Variants in DNAH17 observed in about 807,000 individuals in gnomAD.
DNAH17 encodes axonemal beta dynein heavy chain 17.
A neutral mutation model predicts 485.6 loss-of-function variants in DNAH17; 376 were observed. The observed-to-expected ratio is 0.77, with a 90% CI of 0.71 to 0.84. The LOEUF (loss-of-function observed/expected upper bound fraction) is 0.84, where lower values mean the gene tolerates loss of function less well. Among genes scored for constraint, DNAH17 ranks in the 40% least tolerant of loss-of-function variants. DNAH17 has a pLI of 0.00. For synonymous variants in DNAH17, 3,031 were observed against 2,405.9 expected (o/e 1.26, Z -7.60); for missense variants, 6,370 against 5,839.3 (o/e 1.09, Z -2.96).
At chr17:78,428,125 T>C (rs1348736288) in intron 77 of DNAH17, among the ~76,000 whole-genome samples, 2 of 151,988 alleles carry the variant, frequency 1.3e-5, no homozygotes, top group Non-Finnish European at 2.9e-5. Context: ...GGCTCTGGAG[T>C]ACCTGCCTGC....
chr17:78,497,758 G>C (rs1471951006), intron 37 of DNAH17, among the ~76,000 whole-genome samples: 3 of 152,236 alleles, frequency 2.0e-5, no homozygotes, highest in Non-Finnish European at 4.4e-5. Flanking sequence ...GCAGACCTGT[G>C]TCACCAACAC....
chr17:78,491,680 C>G, intron 42 of DNAH17, 110 bp from the exon 43 acceptor site: 1 of 1,465,082 alleles, frequency 6.8e-7, no homozygotes, highest in Non-Finnish European at 9.1e-7. Flanking sequence ...TCCCCTACTT[C>G]AGAGGAACAG....
At chr17:78,489,128 G>A (rs1217723481) in intron 44 of DNAH17, among the ~76,000 whole-genome samples, 1 of 152,184 alleles carries the variant, frequency 6.6e-6, no homozygotes, top group African/African-American at 2.4e-5. Flanking sequence ...TCCTGGCCCT[G>A]TCCCCATAGG....
Position 78,510,428 on chromosome 17 carries a change from G to A in DNAH17, c.4192C>T (p.Arg1398Cys), listed in dbSNP as rs527676143. The A allele has an allele frequency of 2.8e-5, 45 of 1,613,588 alleles. No individual in the cohort carries two copies. The highest frequency in any genetic ancestry group is 4.5e-5 in the East Asian group (2 of 44,870). The change falls in exon 27 of 81, where the codon CGC becomes TGC. Residue 1398 changes from arginine (R) to cysteine (C), a missense_variant. Arg to Cys is a radical substitution (Grantham distance 180, BLOSUM62 -3). Transcript: ENST00000389840. ...TTCACGGCCTTGTCCACGATGTTGC[G>A]GACCTCATCCTCGTAACTGTGGAGG... ...LNLHSYEDEV[R>C]NIVDKAVKES...
chr17:78,450,691 G>T lies in DNAH17; in HGVS notation c.10890C>A (p.Ile3630=), dbSNP rs145435327. The T allele has an allele frequency of 2.5e-6, 4 of 1,612,746 alleles. No individual in the cohort carries two copies. The African/African-American group carries it at 4.0e-5, about 16-fold the overall frequency. ...CCGAGGCAGCTCTGACCTTCTCCTC[G>T]ATCTCGCTGGCTGTGTGCTTGGTGG... is the stretch of plus-strand genomic sequence containing the variant. The part of the protein sequence containing the change: ...LETTKHTASE[I]EEKVVEAKIT... Residue 3630 remains isoleucine, a synonymous_variant, in exon 67 of 81, where the codon ATC becomes ATA. Coordinates refer to ENST00000389840, the MANE Select transcript of DNAH17 (RefSeq NM_173628.4).
chr17:78,562,015 A>G, intron 11 of DNAH17, 35 bp from the exon 12 acceptor site: 2 of 1,529,570 alleles, frequency 1.3e-6, no homozygotes, highest in Non-Finnish European at 1.8e-6. Context: ...TCTTCACCAC[A>G]GTCTCCTCCC....
At position 78,495,074 on chromosome 17, in the gene DNAH17, T is replaced by G. The variant is rs1294670420; in HGVS notation, c.5927A>C (p.Asp1976Ala). 1 of 1,609,944 alleles carries G rather than the reference T, an allele frequency of 6.2e-7. No individual in the cohort carries two copies. The highest frequency in any genetic ancestry group is 8.5e-7 in the Non-Finnish European group (1 of 1,178,382). ...LFRPCAMVVP[D>A]FELICEIMLM... ...CATGATCTCACATATCAGTTCGAAGTCGGGGACGACCATGGCACAGGGCCT... is the reference window on the plus strand; with the variant it reads ...CATGATCTCACATATCAGTTCGAAGGCGGGGACGACCATGGCACAGGGCCT... The change falls in exon 39 of 81, where the codon GAC (aspartate) becomes GCC (alanine). Residue 1976 changes from aspartate (D) to alanine (A), a missense_variant. Transcript: ENST00000389840.
rs757887393 is a variant in DNAH17 at position 78,567,183 on chromosome 17, A to G, written c.1285-17T>C. ...ATAGAGTTCCTAGTGGAGGAGAAAAACACAGTCAATTCATCTTCACAACCC... is the reference window on the plus strand; with the variant it reads ...ATAGAGTTCCTAGTGGAGGAGAAAAGCACAGTCAATTCATCTTCACAACCC... On this transcript the variant is annotated splice_polypyrimidine_tract_variant and intron_variant, in intron 9 of 80. Transcript: ENST00000389840. 3.8e-6 allele frequency: 6 copies of G among 1,582,290 alleles called. No individual in the cohort carries two copies. In the Admixed American group the frequency reaches 1.1e-4, roughly 29 times the overall value.
At chr17:78,528,195 C>A (rs1335061565) in intron 22 of DNAH17, among the ~76,000 whole-genome samples, 1 of 152,190 alleles carries the variant, frequency 6.6e-6, no homozygotes, top group Non-Finnish European at 1.5e-5. Flanking sequence ...ATTTTTACTA[C>A]CCCAGTTGCC....
intron 19 of DNAH17, 75 bp downstream of exon 19, chr17:78,537,221 TGCC>T (rs1217315378): frequency 1.1e-5 from 16 of 1,436,558 alleles, no homozygotes; most frequent in Non-Finnish European, 1.4e-5. Context: ...GGCGAAGCCT[TGCC>T]GAGTTAGGGC....
At chr17:78,497,238 AC>A (rs2090108317) in intron 37 of DNAH17, among the ~76,000 whole-genome samples, 1 of 152,104 alleles carries the variant, frequency 6.6e-6, no homozygotes, top group African/African-American at 2.4e-5. Context: ...TCCTCTGGAA[AC>A]CTGCAGAAGA....
At chr17:78,458,026 A>G (rs1311911314) in intron 62 of DNAH17, among the ~76,000 whole-genome samples, 3 of 151,216 alleles carry the variant, frequency 2.0e-5, no homozygotes, top group African/African-American at 7.3e-5. Context: ...CTGGTCTCGA[A>G]CTCCTGACCT....
In DNAH17 at chr17:78,505,299, C is replaced by T. The variant is rs1360634855; in HGVS notation, c.4950G>A (p.Ser1650=). The change falls in exon 31 of 81, where the codon TCG becomes TCA. Residue 1650 remains serine, a synonymous_variant. Coordinates refer to ENST00000389840, the MANE Select transcript of DNAH17 (RefSeq NM_173628.4). ...YMVFDQECDL[S]GQVEVWLNRV... ...GGTGTGCGCACACACTCACCTGCCC[C>T]GAGAGGTCGCATTCCTGATCAAAAA... 2.2e-5 allele frequency: 36 copies of T among 1,613,728 alleles called. No homozygotes were observed. The highest frequency in any genetic ancestry group is 2.8e-5 in the Non-Finnish European group (33 of 1,179,846).
At chr17:78,516,334 G>A (rs1275647928) in intron 25 of DNAH17, among the ~76,000 whole-genome samples, 2 of 152,132 alleles carry the variant, frequency 1.3e-5, no homozygotes, top group Non-Finnish European at 2.9e-5. Flanking sequence ...TTTTGTCATG[G>A]GAAAGCGTAT....
intron 16 of DNAH17, 83 bp from the exon 17 acceptor site, chr17:78,544,080 T>C (rs924544400): frequency 3.1e-6 from 5 of 1,587,634 alleles, no homozygotes; most frequent in South Asian, 1.1e-5. Context: ...GCTTTTGATG[T>C]GAGTTTCGTC....
Position 78,560,764 on chromosome 17 carries a change from G to A in DNAH17, c.2007C>T (p.Leu669=), listed in dbSNP as rs2092136323. Residue 669 remains leucine (L), a synonymous_variant, in exon 13 of 81, where the codon CTC becomes CTT. Transcript: ENST00000389840. ...CCGCTTTGCTGAAGTTGACGTGGAT[G>A]AGGTTGCTAGCGGCGTCCCGCAGAA... ...PLILRDAASN[L]IHVNFSKALV... is the part of the protein sequence containing the mutation. 1 of 1,552,000 alleles carries A rather than the reference G, an allele frequency of 6.4e-7. No individual in the cohort carries two copies.
chr17:78,437,601 G>A, intron 74 of DNAH17, 40 bp downstream of exon 74: 2 of 1,520,706 alleles, frequency 1.3e-6, no homozygotes, highest in Non-Finnish European at 1.8e-6. Context: ...CCAGGCCGTG[G>A]CATGGGATGG....
Position 78,514,892 on chromosome 17 carries a change from G to C in DNAH17, c.3995C>G (p.Ala1332Gly), listed in dbSNP as rs78098467. Residue 1332 changes from alanine (A) to glycine (G), a missense_variant, in exon 26 of 81, where the codon GCC becomes GGC. Ala to Gly is a moderately conservative substitution (Grantham distance 60). Transcript: ENST00000389840. ...SLDKEMKTWD[A>G]FVGLDNTVKN... is the part of the protein sequence containing the mutation. ...CACGGTGTTGTCGAGCCCCACGAAG[G>C]CATCCCAGGTTTTCATCTCCTTGTC... The C allele has an allele frequency of 1.9e-6, 3 of 1,614,048 alleles. No individual in the cohort carries two copies. The highest frequency in any genetic ancestry group is 1.7e-6 in the Non-Finnish European group (2 of 1,179,900).
chr17:78,536,387 T>A (rs893166828), intron 19 of DNAH17, among the ~76,000 whole-genome samples: 2 of 151,618 alleles, frequency 1.3e-5, no homozygotes, highest in Admixed American at 6.6e-5. Context: ...GAGGCGGAGG[T>A]TGCAGTCAGC....
Sources: allele counts gnomAD v4.1 joint callset (sites outside exome capture counted in the v4.1 genomes callset), GRCh38; gene constraint gnomAD v4.1.1; transcripts MANE v1.5; gene names NCBI Gene and HGNC (gene_info 2026-07-23, HGNC 2026-07-21).